The following LSM14B variants were observed in gnomAD, a reference collection of about 807,000 sequenced individuals.
LSM14B encodes protein LSM14 homolog B.
Under a neutral mutation model 42.1 loss-of-function variants are expected in LSM14B, and 8 were observed. That is an observed-to-expected ratio of 0.19 (90% confidence interval 0.11 to 0.34). The LOEUF is 0.34. LSM14B is among the 10% of genes least tolerant of loss of function. LSM14B has a pLI of 1.00. For missense variants in LSM14B, 396 were observed against 513.1 expected (o/e 0.77, Z 2.21); for synonymous variants, 219 against 209.7 (o/e 1.04, Z -0.38).
chr20:62,124,566 G>C lies in LSM14B; in HGVS notation c.128-51G>C, dbSNP rs185737065. ...GCTTGGGAGCAGTGGTGTCAGGGTT[G>C]ATTGAACTGGCTGAGGACAACAATA... is the stretch of plus-strand genomic sequence containing the variant. On this transcript the variant is annotated intron_variant, in intron 1 of 8. Transcript: ENST00000279068. 8.3e-5 allele frequency: 131 copies of C among 1,585,320 alleles called. No individual in the cohort carries two copies. The East Asian group carries it at 2.9e-3, about 35-fold the overall frequency.
intron 3 of LSM14B, among the ~76,000 whole-genome samples, chr20:62,128,579 G>A (rs8124246): frequency 1.2e-3 from 186 of 152,284 alleles, no homozygotes; most frequent in African/African-American, 4.1e-3. Context: ...GCAAGACTTT[G>A]TTTGAACTAG....
rs2145630864 is a variant in LSM14B, at chr20:62,130,736, C to T, written c.835+45C>T. On this transcript the variant is annotated intron_variant, in intron 6 of 8. Transcript: ENST00000279068. This position sits in a 1 kb window ranked among gnomAD's most constrained non-coding sequence, Gnocchi z 4.1. Reference sequence around the variant, plus strand: ...AATTATTCTCTGCACAGGAGTACCCCTAGAGAGTGTTAGGAGGAGATGCCT... The same window carrying T: ...AATTATTCTCTGCACAGGAGTACCCTTAGAGAGTGTTAGGAGGAGATGCCT... 6 of 1,586,832 alleles carry T rather than the reference C, an allele frequency of 3.8e-6. No homozygotes were observed. Among genetic ancestry groups the T allele is most frequent in the Middle Eastern group, 1.7e-4 (1 of 5,916 alleles).
At chr20:62,126,253 C>T (rs531243723) in intron 2 of LSM14B, 51 bp from the exon 3 acceptor site, 24 of 1,612,690 alleles carry the variant, frequency 1.5e-5, no homozygotes, top group African/African-American at 8.0e-5. Context: ...TGAAGGCGTG[C>T]GGGGTGATGG....
chr20:62,123,861 A>C (rs951370877), intron 1 of LSM14B, among the ~76,000 whole-genome samples: 61 of 152,300 alleles, frequency 4.0e-4, no homozygotes, highest in Non-Finnish European at 2.1e-4. Flanking sequence ...CTATGCACTC[A>C]CTTGCAGCCA....
In LSM14B at chr20:62,134,325, G is replaced by A. The variant is rs2056849645; in HGVS notation, c.*177G>A. ...CTGAACTTGGACATGGTCTGAGTTA[G>A]AACCACTTGTTTTGGGGAAGTATTC... On this transcript the variant is annotated 3_prime_UTR_variant, in exon 9 of 9. Coordinates refer to ENST00000279068, the MANE Select transcript of LSM14B (RefSeq NM_144703.3). 1 of 471,828 alleles carries A rather than the reference G, an allele frequency of 2.1e-6. No individual in the cohort carries two copies. The allele number at this position is 471,828 out of a possible 1,614,324, so 29.2% of individuals were successfully genotyped here. A position where few individuals can be genotyped will look rare whatever the true frequency, so the allele number is the denominator to read the frequency against.
intron 3 of LSM14B, among the ~76,000 whole-genome samples, chr20:62,127,200 CCA>C (rs928943963): frequency 3.9e-5 from 6 of 152,126 alleles, no homozygotes; most frequent in African/African-American, 7.2e-5. Context: ...TTGAAAAACC[CCA>C]GAGTATGATT....
chr20:62,133,435 C>T lies in LSM14B; in HGVS notation c.1132C>T (p.His378Tyr), dbSNP rs376837989. ...NGTTRRNPTS[H>Y]RAGTGRV ...GACCACCCGTCGCAACCCCACTTCC[C>T]ACAGGGCCGGGACTGGCAGGGTGTG... is the stretch of plus-strand genomic sequence containing the variant. Residue 378 changes from histidine (H) to tyrosine (Y), a missense_variant, in exon 8 of 9, where the codon CAC becomes TAC. By Grantham distance (83) the His-to-Tyr change is moderately conservative. Coordinates refer to ENST00000279068, the MANE Select transcript of LSM14B (RefSeq NM_144703.3). 4.3e-5 allele frequency: 69 copies of T among 1,612,894 alleles called. No homozygotes were observed. The highest frequency in any genetic ancestry group is 5.7e-5 in the Non-Finnish European group (67 of 1,179,526).
chr20:62,123,853 A>G (rs1248387702), intron 1 of LSM14B, among the ~76,000 whole-genome samples: 2 of 152,184 alleles, frequency 1.3e-5, no homozygotes, highest in African/African-American at 2.4e-5. Context: ...TGCCAGGGCT[A>G]TGCACTCACT....
chr20:62,124,824 G>C (rs767157637), intron 2 of LSM14B, 44 bp downstream of exon 2: 1 of 1,561,720 alleles, frequency 6.4e-7, no homozygotes, highest in Non-Finnish European at 8.7e-7. Context: ...AGGAGATGCT[G>C]GTTTCCATTT....
chr20:62,123,593 C>T (rs1355934881), intron 1 of LSM14B, among the ~76,000 whole-genome samples: 2 of 152,224 alleles, frequency 1.3e-5, no homozygotes, highest in African/African-American at 4.8e-5. Context: ...GTCTTCATCA[C>T]CCAGAGAAGA....
intron 2 of LSM14B, 131 bp from the exon 3 acceptor site, chr20:62,126,173 G>GCTC: frequency 7.3e-7 from 1 of 1,362,670 alleles, no homozygotes; most frequent in South Asian, 1.2e-5. Context: ...CACCCCAAGG[G>GCTC]CTCCTCCAGC....
chr20:62,131,626 T>C, intron 7 of LSM14B, 120 bp downstream of exon 7: 2 of 1,296,630 alleles, frequency 1.5e-6, no homozygotes, highest in Non-Finnish European at 2.1e-6. Context: ...TCTAGGGTCC[T>C]GCTTGCGTTT....
In LSM14B at chr20:62,131,499, A is replaced by C. The variant is rs1344264380; in HGVS notation, c.979A>C (p.Lys327Gln). 2 of 1,613,184 alleles carry C rather than the reference A, an allele frequency of 1.2e-6. No homozygotes were observed. Among genetic ancestry groups the C allele is most frequent in the East Asian group, 4.5e-5 (2 of 44,874 alleles). ...SFFDNISSEL[K>Q]TSSRRTTWAE... ...CTTCGACAACATCTCTTCTGAACTC[A>C]AGACCAGGTGAGAGGCTGAATGAAT... Residue 327 changes from lysine to glutamine, a missense_variant, in exon 7 of 9, where the codon AAG (lysine) becomes CAG (glutamine). Lys to Gln is a moderately conservative substitution (Grantham distance 53). Coordinates refer to ENST00000279068, the MANE Select transcript of LSM14B (RefSeq NM_144703.3).
chr20:62,131,605 A>G, intron 7 of LSM14B, 99 bp downstream of exon 7: 2 of 1,476,290 alleles, frequency 1.4e-6, no homozygotes, highest in East Asian at 4.6e-5. Context: ...TCTGAGGCTC[A>G]GGGTAGCTGT....
At chr20:62,124,582 GACA>G in intron 1 of LSM14B, 32 bp from the exon 2 acceptor site, 1 of 1,602,508 alleles carries the variant, frequency 6.2e-7, no homozygotes. Context: ...ACTGGCTGAG[GACA>G]ACAATAACGC....
intron 8 of LSM14B, 145 bp downstream of exon 8, chr20:62,133,620 C>T (rs2056829218): frequency 5.5e-6 from 5 of 915,836 alleles, no homozygotes; most frequent in East Asian, 5.9e-5. Flanking sequence ...GGGCCTCGAC[C>T]CTATGAGTCA....
intron 2 of LSM14B, 25 bp from the exon 3 acceptor site, chr20:62,126,279 T>C (rs1486589208): frequency 7.4e-6 from 12 of 1,613,886 alleles, no homozygotes; most frequent in Non-Finnish European, 1.0e-5. Flanking sequence ...CCTTCGCCGT[T>C]CTCACCCGAT....
intron 3 of LSM14B, chr20:62,127,789 T>TAGCAGATC: frequency 1.0e-6 from 1 of 976,036 alleles, no homozygotes; most frequent in Non-Finnish European, 1.6e-6. Flanking sequence ...ACAGTAGCTG[T>TAGCAGATC]AGCAGATCAT....
At chr20:62,129,714 GAA>G (rs1363184241) in intron 3 of LSM14B, 69 bp from the exon 4 acceptor site, 42 of 1,444,828 alleles carry the variant, frequency 2.9e-5, no homozygotes, top group Non-Finnish European at 3.7e-5. Flanking sequence ...CAGCAGAAGA[GAA>G]ATGCCTGGAG....
Sources: allele counts gnomAD v4.1 joint callset (sites outside exome capture counted in the v4.1 genomes callset), GRCh38; gene constraint gnomAD v4.1.1; non-coding constraint Gnocchi (gnomAD v3.1); transcripts MANE v1.5; gene names NCBI Gene and HGNC (gene_info 2026-07-23, HGNC 2026-07-21).